Variants in BFSP2 observed in about 807,000 individuals in gnomAD.
BFSP2 encodes phakinin.
In BFSP2, 38 loss-of-function variants were observed where a neutral mutation model predicts 44.9. The ratio of observed to expected loss-of-function variants is 0.85; its 90% CI spans 0.65 to 1.11. BFSP2 has a LOEUF of 1.11. Among genes scored for constraint, BFSP2 ranks in the 50% least tolerant of loss-of-function variants. The probability of loss-of-function intolerance (pLI) is 0.00; values close to 1 mark genes in which losing one functional copy is unlikely to be tolerated. For synonymous variants in BFSP2, 197 were observed against 209.9 expected (o/e 0.94, Z 0.53); for missense variants, 525 against 533.0 (o/e 0.99, Z 0.15).
At chr3:133,403,455 G>A (rs2073378893) in intron 1 of BFSP2, among the ~76,000 whole-genome samples, 1 of 152,052 alleles carries the variant, frequency 6.6e-6, no homozygotes, top group South Asian at 2.1e-4. Flanking sequence ...TGAGGCCTCA[G>A]AGCAAGCTCT....
chr3:133,419,496 G>A (rs1179541557), intron 1 of BFSP2, among the ~76,000 whole-genome samples: 5 of 152,180 alleles, frequency 3.3e-5, no homozygotes, highest in South Asian at 2.1e-4. Flanking sequence ...CACAGTCTAT[G>A]TAGAGTGCCC....
At chr3:133,435,752 G>T (rs1339858230) in intron 1 of BFSP2, among the ~76,000 whole-genome samples, 1 of 152,142 alleles carries the variant, frequency 6.6e-6, no homozygotes, top group Non-Finnish European at 1.5e-5. Context: ...CTTGCAAATT[G>T]TCTGCTGCTA....
chr3:133,472,513 C>G lies in BFSP2; in HGVS notation c.1192C>G (p.Leu398Val), dbSNP rs967639640. 1.2e-6 allele frequency: 2 copies of G among 1,613,028 alleles called. No individual in the cohort carries two copies. Among genetic ancestry groups the G allele is most frequent in the African/African-American group, 2.7e-5 (2 of 74,916 alleles). Residue 398 changes from leucine to valine, a missense_variant, in exon 6 of 7, where the codon CTG becomes GTG. Leu to Val is a conservative substitution (Grantham distance 32, BLOSUM62 1). Transcript: ENST00000302334. ...RAHLLARKCQ[L>V]QKDVASYHAL... ...GCATCTGCTGGCCCGCAAGTGCCAG[C>G]TGCAGAAGGACGTGGCGTCCTACCA...
chr3:133,472,663 C>A, intron 6 of BFSP2, 98 bp downstream of exon 6: 1 of 1,457,380 alleles, frequency 6.9e-7, no homozygotes, highest in South Asian at 1.2e-5. Flanking sequence ...AAGAAGAAAT[C>A]ACCCCAGACT....
At position 133,400,681 on chromosome 3, in the gene BFSP2, C is replaced by G; in HGVS notation, c.489+109C>G. 1 of 1,477,856 alleles carries G rather than the reference C, an allele frequency of 6.8e-7. No homozygotes were observed. Among genetic ancestry groups the G allele is most frequent in the Non-Finnish European group, 9.1e-7 (1 of 1,094,560 alleles). The allele number at this position is 1,477,856 out of a possible 1,614,324, so 91.5% of individuals were successfully genotyped here. On this transcript the variant is annotated intron_variant, in intron 1 of 6. Transcript: ENST00000302334. This position sits in a 1 kb window ranked among gnomAD's most constrained non-coding sequence, Gnocchi z 4.0. ...AGGCCAGAGAAACTGACCATAATCC[C>G]CTACACTTTCACACTTAAAATGGTA...
chr3:133,407,431 T>C (rs754391764), intron 1 of BFSP2, among the ~76,000 whole-genome samples: 17 of 152,192 alleles, frequency 1.1e-4, no homozygotes, highest in Non-Finnish European at 2.5e-4. Context: ...AGCATAAAGA[T>C]GTCTCTTCTC....
chr3:133,441,855 G>A (rs1340910976), intron 1 of BFSP2, among the ~76,000 whole-genome samples: 1 of 152,192 alleles, frequency 6.6e-6, no homozygotes, highest in African/African-American at 2.4e-5. Flanking sequence ...GCAGAAAGGG[G>A]CAGAGTAAAG....
chr3:133,422,762 C>A (rs377298484), intron 1 of BFSP2, among the ~76,000 whole-genome samples: 2 of 15,502 alleles, frequency 1.3e-4, no homozygotes, highest in Non-Finnish European at 3.4e-4. Flanking sequence ...CCCAGCCCAG[C>A]ACCTGCCAGA....
At chr3:133,410,778 C>A in intron 1 of BFSP2, 1 of 210,384 alleles carries the variant, frequency 4.8e-6, no homozygotes. Context: ...CACAAATGAG[C>A]TGCAGCCCAG....
chr3:133,419,423 T>C (rs1278368077), intron 1 of BFSP2, among the ~76,000 whole-genome samples: 1 of 152,216 alleles, frequency 6.6e-6, no homozygotes, highest in Non-Finnish European at 1.5e-5. Flanking sequence ...AAAAACTTCC[T>C]GTCACATTCA....
intron 1 of BFSP2, among the ~76,000 whole-genome samples, chr3:133,422,519 T>A (rs892775650): frequency 6.6e-6 from 1 of 152,174 alleles, no homozygotes; most frequent in African/African-American, 2.4e-5. Context: ...GGGTGGAATG[T>A]TCTGATCTCC....
chr3:133,457,445 T>C (rs2074022004), intron 4 of BFSP2, among the ~76,000 whole-genome samples: 1 of 152,242 alleles, frequency 6.6e-6, no homozygotes, highest in South Asian at 2.1e-4. Context: ...TGAAAAGTGC[T>C]ATCCAACCCA....
In BFSP2 at chr3:133,466,978, G is replaced by T; in HGVS notation, c.1023+19G>T. ...TGCCCTGGTAAGTGGGCCAAGGAAA[G>T]ACCTGGTGTCCTTGTGCTAATTTTA... On this transcript the variant is annotated intron_variant, in intron 5 of 6. Transcript: ENST00000302334. The T allele has an allele frequency of 6.2e-7, 1 of 1,613,356 alleles. No individual in the cohort carries two copies. Among genetic ancestry groups the T allele is most frequent in the South Asian group, 1.1e-5 (1 of 91,028 alleles).
chr3:133,425,942 A>G (rs1559964297), intron 1 of BFSP2, among the ~76,000 whole-genome samples: 1 of 18,900 alleles, frequency 5.3e-5, no homozygotes, highest in Non-Finnish European at 8.5e-5. Flanking sequence ...AAGGCAAGGG[A>G]AGGGAGGGGA....
intron 1 of BFSP2, among the ~76,000 whole-genome samples, chr3:133,413,532 A>G (rs1186530349): frequency 6.6e-6 from 1 of 152,136 alleles, no homozygotes; most frequent in Non-Finnish European, 1.5e-5. Context: ...AATGTTACTC[A>G]GGGTCCCCAG....
intron 4 of BFSP2, among the ~76,000 whole-genome samples, chr3:133,453,631 G>A (rs1405126358): frequency 6.6e-6 from 1 of 152,324 alleles, no homozygotes; most frequent in East Asian, 1.9e-4. Context: ...AGGGAGCTGA[G>A]ATGTTAATAC....
chr3:133,472,772 T>C (rs558728470), intron 6 of BFSP2, among the ~76,000 whole-genome samples: 2 of 152,262 alleles, frequency 1.3e-5, no homozygotes, highest in African/African-American at 4.8e-5. Context: ...ACTAATACAT[T>C]TTCTATATGT....
rs565129712 is a variant in BFSP2 at position 133,400,373 on chromosome 3, C to A, written c.290C>A (p.Pro97Gln). The part of the protein sequence containing the change: ...GLRSSGLATV[P>Q]APGLERDHGA... ...CGGAGCTCAGGCCTGGCCACCGTGC[C>A]GGCTCCAGGTTTGGAGAGGGACCAT... Residue 97 changes from proline (P) to glutamine (Q), a missense_variant, in exon 1 of 7, where the codon CCG (proline) becomes CAG (glutamine). By Grantham distance (76) the Pro-to-Gln change is moderately conservative. Transcript: ENST00000302334. This position sits in a 1 kb window ranked among gnomAD's most constrained non-coding sequence, Gnocchi z 4.0. 5.6e-6 allele frequency: 9 copies of A among 1,614,058 alleles called. No individual in the cohort carries two copies. Among genetic ancestry groups the A allele is most frequent in the Admixed American group, 1.7e-5 (1 of 60,030 alleles).
At chr3:133,419,276 T>C (rs1260360640) in intron 1 of BFSP2, among the ~76,000 whole-genome samples, 1 of 152,114 alleles carries the variant, frequency 6.6e-6, no homozygotes, top group Non-Finnish European at 1.5e-5. Context: ...GGCCTTAGGA[T>C]TTCAGCACAG....
Sources: allele counts gnomAD v4.1 joint callset (sites outside exome capture counted in the v4.1 genomes callset), GRCh38; gene constraint gnomAD v4.1.1; non-coding constraint Gnocchi (gnomAD v3.1); transcripts MANE v1.5; gene names NCBI Gene and HGNC (gene_info 2026-07-23, HGNC 2026-07-21).